EDAR: variants seen among roughly 807,000 people sequenced by gnomAD.
The protein encoded by EDAR is tumor necrosis factor receptor superfamily member EDAR.
EDAR carries 38 observed loss-of-function variants against 51.3 expected under a neutral mutation model. That is an observed-to-expected ratio of 0.74 (90% CI 0.57 to 0.97). The LOEUF (loss-of-function observed/expected upper bound fraction) is 0.97. Among genes scored for constraint, EDAR ranks in the 50% least tolerant of loss-of-function variants. The pLI is 0.00. For missense variants in EDAR, 528 were observed against 595.0 expected, an observed-to-expected ratio of 0.89 and a Z score of 1.17; for synonymous variants, 227 against 242.1, an observed-to-expected ratio of 0.94 and a Z score of 0.58.
At position 108,928,910 on chromosome 2, in the gene EDAR, T is replaced by A. The variant is rs145382831; in HGVS notation, c.356+288A>T. On this transcript the variant is annotated intron_variant, in intron 4 of 11. Coordinates refer to ENST00000258443, the MANE Select transcript of EDAR (RefSeq NM_022336.4). ...AAGTGTTTCACATGCGCTACTGCACTGTAAGTATTCAAGCAATTTGTTTCC... is the reference window on the plus strand; with the variant it reads ...AAGTGTTTCACATGCGCTACTGCACAGTAAGTATTCAAGCAATTTGTTTCC... 2.0e-5 allele frequency among the ~76,000 whole-genome samples: 3 copies of A among 152,372 alleles called. No homozygotes were observed. The East Asian group carries it at 5.8e-4, about 29-fold the overall frequency.
chr2:108,920,320 T>A (rs1367088022), intron 5 of EDAR, among the ~76,000 whole-genome samples: 4 of 152,190 alleles, frequency 2.6e-5, no homozygotes, highest in African/African-American at 9.7e-5. Flanking sequence ...TGATAACTTG[T>A]AATGAAATCC....
chr2:108,949,043 C>A (rs1345528765), intron 1 of EDAR, among the ~76,000 whole-genome samples: 2 of 152,208 alleles, frequency 1.3e-5, no homozygotes, highest in African/African-American at 4.8e-5. Flanking sequence ...GTGGTACAAT[C>A]ATGGCTTCAC....
chr2:108,909,569 G>A (rs947949008), intron 9 of EDAR, among the ~76,000 whole-genome samples: 1 of 152,180 alleles, frequency 6.6e-6, no homozygotes, highest in Non-Finnish European at 1.5e-5. Flanking sequence ...CTGTTGCGGG[G>A]GTGTCCTTCC....
intron 1 of EDAR, among the ~76,000 whole-genome samples, chr2:108,945,308 A>ACTCCAGCAGTTCCACATTTCACTACTC (rs1558824876): frequency 6.6e-6 from 1 of 152,138 alleles, no homozygotes; most frequent in Non-Finnish European, 1.5e-5. Context: ...GTGTTTCATT[A>ACTCCAGCAGTTCCACATTTCACTACTC]CACATTTCAC....
rs141697540 is a variant in EDAR at position 108,934,494 on chromosome 2, G to A, written c.-18-3462C>T. ...GCTCCCATATTTGTGACAGTGATGG[G>A]GAGAGGGAGCACCTGTCTTAGTCTG... On this transcript the variant is annotated intron_variant, in intron 1 of 11. Transcript: ENST00000258443. Among the ~76,000 whole-genome samples, 1,111 of 152,334 alleles carry A rather than the reference G, an allele frequency of 7.3e-3. 7 individuals are homozygous for A. Among genetic ancestry groups the A allele is most frequent in the Non-Finnish European group, 0.012 (818 of 68,034 alleles).
At chr2:108,947,295 C>G (rs1294109510) in intron 1 of EDAR, among the ~76,000 whole-genome samples, 1 of 152,144 alleles carries the variant, frequency 6.6e-6, no homozygotes, top group East Asian at 1.9e-4. Flanking sequence ...GCTCCTGTAA[C>G]TGCTTTCATG....
chr2:108,975,651 A>T (rs1432199107), intron 1 of EDAR, among the ~76,000 whole-genome samples: 3 of 152,124 alleles, frequency 2.0e-5, no homozygotes. Flanking sequence ...CCGGGGGAAC[A>T]GGGGTGCGGT....
intron 5 of EDAR, among the ~76,000 whole-genome samples, chr2:108,914,750 T>C (rs537683690): frequency 1.3e-5 from 2 of 152,310 alleles, no homozygotes; most frequent in East Asian, 3.9e-4. Flanking sequence ...TGAAGTGCAC[T>C]TGGTCTACAG....
chr2:108,971,720 AT>A (rs1454158786), intron 1 of EDAR, among the ~76,000 whole-genome samples: 1 of 152,228 alleles, frequency 6.6e-6, no homozygotes, highest in African/African-American at 2.4e-5. Context: ...AGGAGTTGGC[AT>A]TAGAAGTCAG....
At chr2:108,907,768 G>T in intron 10 of EDAR, 92 bp downstream of exon 10, 1 of 1,461,508 alleles carries the variant, frequency 6.8e-7, no homozygotes, top group Non-Finnish European at 9.6e-7. Flanking sequence ...ACCCCGTCTT[G>T]CAGGAGAGCT....
At chr2:108,971,502 C>A (rs1057479624) in intron 1 of EDAR, among the ~76,000 whole-genome samples, 1 of 152,106 alleles carries the variant, frequency 6.6e-6, no homozygotes, top group Non-Finnish European at 1.5e-5. Flanking sequence ...TAAAACCAGG[C>A]ATCAGTCTTT....
rs1425146490 is a variant in EDAR at position 108,896,331 on chromosome 2, G to A, written c.*576C>T. The A allele has an allele frequency of 6.5e-6, 1 of 154,550 alleles. No homozygotes were observed. The highest frequency in any genetic ancestry group is 1.4e-5 in the Non-Finnish European group (1 of 69,434). The allele number at this position is 154,550 out of a possible 1,614,324, so 9.6% of individuals were successfully genotyped here. ...CCTGAAATAATACCTGGAGCAGGGT[G>A]TCTGCATTTTGTTGCCATTTTATCA... On this transcript the variant is annotated 3_prime_UTR_variant, in exon 12 of 12. Coordinates refer to ENST00000258443, the MANE Select transcript of EDAR (RefSeq NM_022336.4).
At chr2:108,936,121 G>GC (rs961597832) in intron 1 of EDAR, among the ~76,000 whole-genome samples, 2 of 152,222 alleles carry the variant, frequency 1.3e-5, no homozygotes, top group African/African-American at 2.4e-5. Context: ...ACCCAGTTGG[G>GC]CCCCCCTTGA....
chr2:108,956,863 A>G (rs981760823), intron 1 of EDAR, among the ~76,000 whole-genome samples: 6 of 151,338 alleles, frequency 4.0e-5, no homozygotes, highest in Admixed American at 3.3e-4. Context: ...ATCTCAGCAC[A>G]CCGCAACCTC....
At chr2:108,954,361 C>T (rs2104379511) in intron 1 of EDAR, among the ~76,000 whole-genome samples, 1 of 152,296 alleles carries the variant, frequency 6.6e-6, no homozygotes. Context: ...TTGAATAGCT[C>T]ATTACTTAAA....
intron 1 of EDAR, among the ~76,000 whole-genome samples, chr2:108,956,541 A>C (rs1478883345): frequency 6.6e-6 from 1 of 152,184 alleles, no homozygotes; most frequent in Non-Finnish European, 1.5e-5. Context: ...ATGGCATTGA[A>C]ATCTGGCAAG....
At position 108,924,615 on chromosome 2, in the gene EDAR, G is replaced by A. The variant is rs75088065; in HGVS notation, c.357-1162C>T. Among the ~76,000 whole-genome samples, 756 of 152,284 alleles carry A rather than the reference G, an allele frequency of 5.0e-3. 7 individuals are homozygous for A. The highest frequency in any genetic ancestry group is 0.022 in the South Asian group (107 of 4,822). On this transcript the variant is annotated intron_variant, in intron 4 of 11. Transcript: ENST00000258443. ...GTAGTGCTAAGCAGCAGCCTGGCAC[G>A]GGGGTCTGTGGGCTCCTGCCTTCCT...
chr2:108,944,248 G>T (rs1697669609), intron 1 of EDAR, among the ~76,000 whole-genome samples: 1 of 152,122 alleles, frequency 6.6e-6, no homozygotes, highest in African/African-American at 2.4e-5. Flanking sequence ...CAAGTAGCTG[G>T]GATTACAGGG....
chr2:108,938,301 A>G (rs1261560915), intron 1 of EDAR, among the ~76,000 whole-genome samples: 1 of 152,222 alleles, frequency 6.6e-6, no homozygotes, highest in African/African-American at 2.4e-5. Flanking sequence ...ATTTCTGAAC[A>G]CCAACATGGT....
Sources: allele counts gnomAD v4.1 joint callset (sites outside exome capture counted in the v4.1 genomes callset), GRCh38; gene constraint gnomAD v4.1.1; transcripts MANE v1.5; gene names NCBI Gene and HGNC (gene_info 2026-07-23, HGNC 2026-07-21).